Variants in EDC3 observed in about 807,000 individuals in gnomAD.
EDC3 encodes enhancer of mRNA-decapping protein 3.
A neutral mutation model predicts 41.8 loss-of-function variants in EDC3; 20 were observed. The observed-to-expected ratio is 0.48, with a 90% confidence interval of 0.34 to 0.70. EDC3 has a LOEUF of 0.70. Ranked by LOEUF, EDC3 falls within the 30% of genes least tolerant of loss-of-function variation. EDC3 has a pLI of 0.01. For missense variants in EDC3, 444 were observed against 636.8 expected, an observed-to-expected ratio of 0.70 and a Z score of 3.26; for synonymous variants, 206 against 243.2, an observed-to-expected ratio of 0.85 and a Z score of 1.42.
At chr15:74,687,643 G>C (rs1263668452) in intron 1 of EDC3, among the ~76,000 whole-genome samples, 1 of 152,190 alleles carries the variant, frequency 6.6e-6, no homozygotes, top group African/African-American at 2.4e-5. Context: ...CTCTGCACTA[G>C]GATTACAGGC....
chr15:74,688,330 T>C lies in EDC3; in HGVS notation c.-19+7550A>G, dbSNP rs150575669. ...GCTACAAGGAACCAATCTTGTCTTT[T>C]ATTTTCTACTTTTCTATCAAGGTAT... is the stretch of plus-strand genomic sequence containing the variant. On this transcript the variant is annotated intron_variant, in intron 1 of 6. Transcript: ENST00000315127. Among the ~76,000 whole-genome samples, 696 of 152,346 alleles carry C rather than the reference T, an allele frequency of 4.6e-3. 5 individuals carry two copies. Among genetic ancestry groups the C allele is most frequent in the African/African-American group, 0.016 (655 of 41,576 alleles).
chr15:74,671,616 G>A lies in EDC3; in HGVS notation c.323C>T (p.Ala108Val). 1 of 1,614,134 alleles carries A rather than the reference G, an allele frequency of 6.2e-7. No individual in the cohort carries two copies. The highest frequency in any genetic ancestry group is 8.5e-7 in the Non-Finnish European group (1 of 1,180,026). Residue 108 changes from alanine (A) to valine (V), a missense_variant, in exon 3 of 7, where the codon GCC (alanine) becomes GTC (valine). Around this residue, in one of 3 missense-constraint regions of EDC3, gnomAD observed 200 missense variants for 244.0 expected, o/e 0.82. Coordinates refer to ENST00000315127, the MANE Select transcript of EDC3 (RefSeq NM_025083.5). This position sits in a 1 kb window ranked among gnomAD's most constrained non-coding sequence, Gnocchi z 4.6. ...ATTCTGAGGGGCACTGCTGGAAGAG[G>A]CTGGCTTCTTGACAAACTTGCCTGT... ...NGTGKFVKKP[A>V]SSSSAPQNIP...
intron 3 of EDC3, among the ~76,000 whole-genome samples, chr15:74,659,263 G>A (rs1326843465): frequency 1.3e-5 from 2 of 151,900 alleles, no homozygotes. Flanking sequence ...AGGAGTTCAA[G>A]ACCAGCCTGA....
intron 1 of EDC3, chr15:74,686,944 T>A (rs1260758619): frequency 6.7e-6 from 1 of 149,500 alleles, no homozygotes; most frequent in Non-Finnish European, 1.5e-5. Flanking sequence ...GCTGACAGGA[T>A]AACTGCTTGA....
chr15:74,692,440 A>G (rs1377336739), intron 1 of EDC3, among the ~76,000 whole-genome samples: 2 of 152,226 alleles, frequency 1.3e-5, no homozygotes, highest in Admixed American at 1.3e-4. Context: ...ACACGTAAGA[A>G]ATAATACCAA....
At chr15:74,645,136 G>C (rs2062397860) in intron 4 of EDC3, 1 of 152,186 alleles carries the variant, frequency 6.6e-6, no homozygotes, top group Non-Finnish European at 1.5e-5. Context: ...AAAGTTGTAG[G>C]AACTGTTCTA....
intron 1 of EDC3, among the ~76,000 whole-genome samples, chr15:74,679,574 AT>A (rs2062845340): frequency 6.6e-6 from 1 of 152,062 alleles, no homozygotes; most frequent in Non-Finnish European, 1.5e-5. Flanking sequence ...ACAGAATACT[AT>A]CCCCCATGAA....
chr15:74,634,575 A>C (rs2062248697), intron 6 of EDC3, among the ~76,000 whole-genome samples: 1 of 152,020 alleles, frequency 6.6e-6, no homozygotes, highest in Non-Finnish European at 1.5e-5. Flanking sequence ...AACCTTCTCT[A>C]TCAAGTTTTC....
At position 74,630,972 on chromosome 15, in the gene EDC3, C is replaced by A. The variant is rs1248394653; in HGVS notation, c.*1640G>T. 1 of 152,262 alleles carries A rather than the reference C, an allele frequency of 6.6e-6. No individual in the cohort carries two copies. Among genetic ancestry groups the A allele is most frequent in the Non-Finnish European group, 1.5e-5 (1 of 68,066 alleles). The allele number at this position is 152,262 out of a possible 1,614,324, so 9.4% of individuals were successfully genotyped here. On this transcript the variant is annotated 3_prime_UTR_variant, in exon 7 of 7. Transcript: ENST00000315127. ...CCTACCAAAAAGCCTGTAACCTAGA[C>A]TGCTCCTCAGATTTTGGCCAAGAGA...
intron 1 of EDC3, among the ~76,000 whole-genome samples, chr15:74,694,539 C>A (rs902854856): frequency 1.6e-4 from 25 of 152,250 alleles, no homozygotes; most frequent in Non-Finnish European, 2.8e-4. Context: ...CTCCTGACCT[C>A]AGGTGATCCA....
chr15:74,694,220 T>C (rs1396934028), intron 1 of EDC3, among the ~76,000 whole-genome samples: 2 of 152,202 alleles, frequency 1.3e-5, no homozygotes, highest in African/African-American at 2.4e-5. Context: ...TTTTCTAATG[T>C]TGTTTTTCTT....
intron 1 of EDC3, among the ~76,000 whole-genome samples, chr15:74,678,737 A>C (rs2062835592): frequency 6.6e-6 from 1 of 151,638 alleles, no homozygotes; most frequent in Non-Finnish European, 1.5e-5. Flanking sequence ...TAAAAATACA[A>C]AAATTAGCCA....
At chr15:74,670,854 T>C (rs1268972525) in intron 3 of EDC3, among the ~76,000 whole-genome samples, 7 of 152,114 alleles carry the variant, frequency 4.6e-5, no homozygotes, top group African/African-American at 1.4e-4. Flanking sequence ...TACAGCAAAT[T>C]AAAAATTGTC....
rs1043252193 is a variant in EDC3 at position 74,684,478 on chromosome 15, C to CAAA, written c.-18-9339_-18-9337dup. 2.8e-3 allele frequency among the ~76,000 whole-genome samples: 168 copies of CAAA among 60,724 alleles called. 1 individual carries two copies. Among genetic ancestry groups the CAAA allele is most frequent in the Middle Eastern group, 0.021 (2 of 94 alleles). The allele number at this position is 60,724 out of a possible 152,430, so 39.8% of individuals were successfully genotyped here. A position where few individuals can be genotyped will look rare whatever the true frequency, so the allele number is the denominator to read the frequency against. ...ACCATGCCCAGCTGAGACTTTGTCT[C>CAAA]AAAAAAAAAAAAAAAAAAAAAGGTG... On this transcript the variant is annotated intron_variant, in intron 1 of 6. Transcript: ENST00000315127.
chr15:74,643,731 C>T (rs1244451395), intron 4 of EDC3: 1 of 152,392 alleles, frequency 6.6e-6, no homozygotes, highest in Non-Finnish European at 1.5e-5. Context: ...CAAGGTTCCT[C>T]TCTCCTTCAG....
intron 3 of EDC3, among the ~76,000 whole-genome samples, chr15:74,664,321 G>A (rs529241530): frequency 6.6e-6 from 1 of 152,358 alleles, no homozygotes; most frequent in Non-Finnish European, 1.5e-5. Context: ...CTGGCCTTTG[G>A]CCACTGCGAG....
chr15:74,694,746 C>T (rs530668264), intron 1 of EDC3, among the ~76,000 whole-genome samples: 7 of 152,142 alleles, frequency 4.6e-5, no homozygotes, highest in African/African-American at 1.7e-4. Context: ...TGTGTACACA[C>T]TGAGTGTGCA....
Position 74,656,048 on chromosome 15 carries a change from G to A in EDC3, c.505C>T (p.Pro169Ser). The change falls in exon 4 of 7, where the codon CCA becomes TCA. Residue 169 changes from proline to serine, a missense_variant. By Grantham distance (74) the Pro-to-Ser change is moderately conservative. Transcript: ENST00000315127. ...CTTTTCTTGGGAGTTGCCTGATTTG[G>A]GTGCCTGCTACTAGATGACCCTGGA... The part of the protein sequence containing the change: ...HNSWSSSSRH[P>S]NQATPKKSGL... The A allele has an allele frequency of 6.2e-7, 1 of 1,611,578 alleles. No homozygotes were observed. Among genetic ancestry groups the A allele is most frequent in the South Asian group, 1.1e-5 (1 of 91,002 alleles).
Position 74,671,686 on chromosome 15 carries a change from C to T in EDC3, c.253G>A (p.Gly85Ser), listed in dbSNP as rs772846860. 3 of 1,614,144 alleles carry T rather than the reference C, an allele frequency of 1.9e-6. No individual in the cohort carries two copies. Among genetic ancestry groups the T allele is most frequent in the Non-Finnish European group, 2.5e-6 (3 of 1,180,030 alleles). The change falls in exon 3 of 7, where the codon GGC (glycine) becomes AGC (serine). Residue 85 changes from glycine (G) to serine (S), a missense_variant. Transcript: ENST00000315127. This position sits in a 1 kb window ranked among gnomAD's most constrained non-coding sequence, Gnocchi z 4.6. The part of the protein sequence containing the change: ...HFGDLHQTEL[G>S]PSGAGCQVGI... Reference sequence around the variant, plus strand: ...ACTTGGCAGCCAGCACCAGAGGGGCCTAATTCTGTTTGATGAAGGTCTCCA... The same window carrying T: ...ACTTGGCAGCCAGCACCAGAGGGGCTTAATTCTGTTTGATGAAGGTCTCCA...
Sources: allele counts gnomAD v4.1 joint callset (sites outside exome capture counted in the v4.1 genomes callset), GRCh38; gene constraint gnomAD v4.1.1; regional missense constraint gnomAD v4.1.1; non-coding constraint Gnocchi (gnomAD v3.1); transcripts MANE v1.5; gene names NCBI Gene and HGNC (gene_info 2026-07-23, HGNC 2026-07-21).